TCERG1L: variants seen among roughly 807,000 people sequenced by gnomAD.
The protein encoded by TCERG1L is transcription elongation regulator 1 like, also known as transcription elongation regulator 1-like protein.
Under a neutral mutation model 56.3 loss-of-function variants are expected in TCERG1L, and 37 were observed. The observed-to-expected ratio is 0.66, with a 90% confidence interval of 0.51 to 0.87. The LOEUF is 0.87. Among genes scored for constraint, TCERG1L ranks in the 40% least tolerant of loss-of-function variants. The probability of loss-of-function intolerance (pLI) is 0.00; values close to 1 mark genes in which losing one functional copy is unlikely to be tolerated. For missense variants in TCERG1L, 799 were observed against 774.2 expected (o/e 1.03, Z -0.38); for synonymous variants, 324 against 326.3 (o/e 0.99, Z 0.08).
At chr10:131,302,608 C>CT (rs35380771) in intron 3 of TCERG1L, among the ~76,000 whole-genome samples, 218 of 142,954 alleles carry the variant, frequency 1.5e-3, no homozygotes, top group Non-Finnish European at 2.3e-3. Context: ...CCTCCCAATT[C>CT]TTTTTTTTTT....
intron 9 of TCERG1L, among the ~76,000 whole-genome samples, chr10:131,105,523 C>A (rs528302416): frequency 6.6e-6 from 1 of 152,298 alleles, no homozygotes; most frequent in Non-Finnish European, 1.5e-5. Context: ...GGATATTTAG[C>A]CCATGCTCAG....
chr10:131,195,943 G>A (rs992369575), intron 4 of TCERG1L, among the ~76,000 whole-genome samples: 10 of 152,208 alleles, frequency 6.6e-5, no homozygotes, highest in Admixed American at 6.5e-5. Context: ...CACAGGATGC[G>A]GGAAGCTGGT....
At chr10:131,203,819 CAGACCTCCTCCAAGTGGGGG>C (rs1217023442) in intron 4 of TCERG1L, among the ~76,000 whole-genome samples, 1 of 152,224 alleles carries the variant, frequency 6.6e-6, no homozygotes, top group African/African-American at 2.4e-5. Flanking sequence ...CTTTCCACTT[CAGACCTCCTCCAAGTGGGGG>C]GTGGGCATCT....
intron 8 of TCERG1L, among the ~76,000 whole-genome samples, chr10:131,121,629 G>A (rs1337688906): frequency 2.0e-5 from 3 of 152,234 alleles, no homozygotes; most frequent in Non-Finnish European, 4.4e-5. Context: ...TCTCCCAGCT[G>A]CAGCCCTGCA....
At chr10:131,302,176 A>T (rs2133583006) in intron 3 of TCERG1L, among the ~76,000 whole-genome samples, 1 of 152,024 alleles carries the variant, frequency 6.6e-6, no homozygotes. Context: ...TTTCCCCATG[A>T]ACCAAGCTTG....
intron 4 of TCERG1L, among the ~76,000 whole-genome samples, chr10:131,171,102 G>A (rs535518263): frequency 4.0e-5 from 6 of 151,482 alleles, no homozygotes; most frequent in East Asian, 1.9e-4. Flanking sequence ...CTGAGATCAC[G>A]CCACTGCATT....
chr10:131,247,680 T>C (rs1350177581), intron 4 of TCERG1L, among the ~76,000 whole-genome samples: 1 of 151,992 alleles, frequency 6.6e-6, no homozygotes, highest in Non-Finnish European at 1.5e-5. Flanking sequence ...AGATGAACTT[T>C]CCCTTCTCTG....
rs1010803009 is a variant in TCERG1L, at chr10:131,118,677, G to C, written c.1260-1743C>G. Among the ~76,000 whole-genome samples, 2 of 152,010 alleles carry C rather than the reference G, an allele frequency of 1.3e-5. No individual in the cohort carries two copies. Among genetic ancestry groups the C allele is most frequent in the African/African-American group, 4.8e-5 (2 of 41,362 alleles). On this transcript the variant is annotated intron_variant, in intron 8 of 11. Coordinates refer to ENST00000368642, the MANE Select transcript of TCERG1L (RefSeq NM_174937.4). This position sits in a 1 kb window ranked among gnomAD's most constrained non-coding sequence, Gnocchi z 4.2. ...TGCTCTTGGTAATTTTCCATCCACT[G>C]ACCCCCAACCCTGACCGTGGCTATC...
intron 4 of TCERG1L, among the ~76,000 whole-genome samples, chr10:131,171,311 G>A (rs941250006): frequency 6.6e-6 from 1 of 152,190 alleles, no homozygotes; most frequent in African/African-American, 2.4e-5. Context: ...AAAGAAGGGG[G>A]AGGTGGGTTT....
intron 3 of TCERG1L, among the ~76,000 whole-genome samples, chr10:131,268,509 T>C (rs879840992): frequency 6.6e-6 from 1 of 152,212 alleles, no homozygotes; most frequent in Non-Finnish European, 1.5e-5. Context: ...CATCAGTCCT[T>C]TGAAGTTTTG....
rs997130123 is a variant in TCERG1L, at chr10:131,110,903, G to A, written c.1395+5896C>T. 1.4e-5 allele frequency among the ~76,000 whole-genome samples: 2 copies of A among 143,112 alleles called. 1 individual carries two copies. Among genetic ancestry groups the A allele is most frequent in the Non-Finnish European group, 3.1e-5 (2 of 63,540 alleles). The allele number at this position is 143,112 out of a possible 152,430, so 93.9% of individuals were successfully genotyped here. ...TGTGATGGCTCCCGGAGGTTATCACGGACAGGACACGACTGGATTGGCAGG... is the reference window on the plus strand; with the variant it reads ...TGTGATGGCTCCCGGAGGTTATCACAGACAGGACACGACTGGATTGGCAGG... On this transcript the variant is annotated intron_variant, in intron 9 of 11. Coordinates refer to ENST00000368642, the MANE Select transcript of TCERG1L (RefSeq NM_174937.4).
intron 4 of TCERG1L, among the ~76,000 whole-genome samples, chr10:131,179,370 A>T (rs1405253158): frequency 1.3e-5 from 2 of 152,208 alleles, no homozygotes; most frequent in African/African-American, 4.8e-5. Flanking sequence ...GCGGCCTTTT[A>T]AACTTTTCTT....
chr10:131,305,353 T>C (rs907113594), intron 3 of TCERG1L, among the ~76,000 whole-genome samples: 7 of 152,082 alleles, frequency 4.6e-5, no homozygotes, highest in African/African-American at 1.7e-4. Context: ...AAAGCTTAGA[T>C]AGCTTTTCCA....
intron 8 of TCERG1L, among the ~76,000 whole-genome samples, chr10:131,129,235 A>G (rs1026911338): frequency 2.6e-5 from 4 of 152,270 alleles, no homozygotes; most frequent in African/African-American, 9.6e-5. Context: ...AGTCAAGGAA[A>G]TTTAAACCAT....
Position 131,146,607 on chromosome 10 carries a change from T to A in TCERG1L, c.1088A>T (p.His363Leu). 6.2e-7 allele frequency: 1 copy of A among 1,613,724 alleles called. No individual in the cohort carries two copies. The highest frequency in any genetic ancestry group is 1.7e-5 in the Admixed American group (1 of 59,990). The change falls in exon 7 of 12, where the codon CAC becomes CTC. Residue 363 changes from histidine to leucine, a missense_variant. Physicochemically the swap from His to Leu is moderately conservative, Grantham distance 99. Coordinates refer to ENST00000368642, the MANE Select transcript of TCERG1L (RefSeq NM_174937.4). ...CATGGGCTTCTCCCAGACAGACAGG[T>A]GCATCGTTGGGTTGAAGAAGAAAAC... ...DRVFFFNPTM[H>L]LSVWEKPMDL...
rs139152998 is a variant in TCERG1L at position 131,155,295 on chromosome 10, C to T, written c.1034+7827G>A. 9.8e-3 allele frequency among the ~76,000 whole-genome samples: 1,497 copies of T among 152,316 alleles called. 14 individuals are homozygous for T. Among genetic ancestry groups the T allele is most frequent in the Non-Finnish European group, 0.017 (1,144 of 68,024 alleles). Reference sequence around the variant, plus strand: ...TACCAATCCATCTTTAGTTATTTCACACAAATGGATGTTGTCATTGTTAAA... The same window carrying T: ...TACCAATCCATCTTTAGTTATTTCATACAAATGGATGTTGTCATTGTTAAA... On this transcript the variant is annotated intron_variant, in intron 6 of 11. Transcript: ENST00000368642.
intron 4 of TCERG1L, among the ~76,000 whole-genome samples, chr10:131,220,468 C>T (rs1845717677): frequency 6.6e-6 from 1 of 152,206 alleles, no homozygotes; most frequent in Non-Finnish European, 1.5e-5. Flanking sequence ...CATGGGGATC[C>T]CAGGGCTCCG....
intron 3 of TCERG1L, among the ~76,000 whole-genome samples, chr10:131,268,561 A>C (rs1846308314): frequency 6.6e-6 from 1 of 152,026 alleles, no homozygotes; most frequent in African/African-American, 2.4e-5. Flanking sequence ...TAAAAGTCCT[A>C]GACGGCATCT....
intron 4 of TCERG1L, among the ~76,000 whole-genome samples, chr10:131,193,742 T>C (rs1255264081): frequency 6.6e-6 from 1 of 152,256 alleles, no homozygotes; most frequent in Non-Finnish European, 1.5e-5. Context: ...GGTTACTATA[T>C]CCTTGTCATG....
Sources: allele counts gnomAD v4.1 joint callset (sites outside exome capture counted in the v4.1 genomes callset), GRCh38; gene constraint gnomAD v4.1.1; non-coding constraint Gnocchi (gnomAD v3.1); transcripts MANE v1.5; gene names NCBI Gene and HGNC (gene_info 2026-07-23, HGNC 2026-07-21).